Variants in CUL3 observed in about 807,000 individuals in gnomAD.
CUL3 encodes the protein cullin 3.
In CUL3, 19 loss-of-function variants were observed where a neutral mutation model predicts 89.1. That is an observed-to-expected ratio of 0.21 (90% CI 0.15 to 0.31). The LOEUF (loss-of-function observed/expected upper bound fraction) is 0.31. CUL3 is among the 10% of genes least tolerant of loss of function. The pLI is 1.00. For missense variants in CUL3, 469 were observed against 942.3 expected, an observed-to-expected ratio of 0.50 and a Z score of 6.58; for synonymous variants, 351 against 308.4, an observed-to-expected ratio of 1.14 and a Z score of -1.45.
intron 1 of CUL3, among the ~76,000 whole-genome samples, chr2:224,564,614 T>C (rs1376527343): frequency 2.0e-5 from 3 of 152,230 alleles, no homozygotes; most frequent in East Asian, 3.8e-4. Context: ...CTCAGGGCTA[T>C]ATGGTTTCAA....
chr2:224,510,773 T>C (rs1007441065), intron 6 of CUL3, among the ~76,000 whole-genome samples: 1 of 152,218 alleles, frequency 6.6e-6, no homozygotes, highest in African/African-American at 2.4e-5. Context: ...AAAAAACAAA[T>C]GTTAGTTATC....
intron 11 of CUL3, 129 bp downstream of exon 11, chr2:224,500,234 T>C (rs1692328096): frequency 3.6e-6 from 4 of 1,100,482 alleles, no homozygotes; most frequent in African/African-American, 1.6e-5. Flanking sequence ...CCAGGATAAA[T>C]GCTCCTTTTG....
chr2:224,495,279 CA>C (rs1692127587), intron 13 of CUL3: 1 of 152,240 alleles, frequency 6.6e-6, no homozygotes, highest in Non-Finnish European at 1.5e-5. Context: ...CTTTGGGATA[CA>C]GTTCGGCAGT....
intron 1 of CUL3, among the ~76,000 whole-genome samples, chr2:224,565,034 G>A (rs1011091929): frequency 1.3e-5 from 2 of 151,796 alleles, no homozygotes; most frequent in Non-Finnish European, 2.9e-5. Context: ...TTTTCATCCC[G>A]AATACAGCTG....
chr2:224,490,053 C>T (rs995131236), intron 13 of CUL3, among the ~76,000 whole-genome samples: 1 of 152,190 alleles, frequency 6.6e-6, no homozygotes, highest in African/African-American at 2.4e-5. Flanking sequence ...TATGAACAGA[C>T]ACTTCTCAAA....
At chr2:224,550,978 C>G (rs1694491055) in intron 2 of CUL3, among the ~76,000 whole-genome samples, 1 of 152,080 alleles carries the variant, frequency 6.6e-6, no homozygotes, top group Admixed American at 6.6e-5. Flanking sequence ...CCCATCTTGT[C>G]CCATTCCTCT....
chr2:224,522,978 G>A (rs1032706848), intron 3 of CUL3, among the ~76,000 whole-genome samples: 1 of 152,100 alleles, frequency 6.6e-6, no homozygotes, highest in Non-Finnish European at 1.5e-5. Flanking sequence ...TGTGTAAACT[G>A]CAATAAATCA....
intron 12 of CUL3, 127 bp downstream of exon 12, chr2:224,497,626 C>A: frequency 4.5e-6 from 3 of 670,944 alleles, no homozygotes; most frequent in Non-Finnish European, 7.5e-6. Flanking sequence ...GGATTTTTAA[C>A]CTTTCTAACA....
At chr2:224,556,154 C>G (rs1163569221) in intron 2 of CUL3, 1 of 152,036 alleles carries the variant, frequency 6.6e-6, no homozygotes, top group Admixed American at 6.6e-5. Context: ...TCTGGAACCA[C>G]CATAGTAATA....
chr2:224,534,595 T>C (rs1017777014), intron 3 of CUL3, among the ~76,000 whole-genome samples: 16 of 152,188 alleles, frequency 1.1e-4, no homozygotes, highest in African/African-American at 3.4e-4. Flanking sequence ...TATTTTCCAT[T>C]TTAAAGGACA....
At position 224,478,354 on chromosome 2, in the gene CUL3, G is replaced by T; in HGVS notation, c.2030-9C>A. On this transcript the variant is annotated splice_polypyrimidine_tract_variant and intron_variant, in intron 14 of 15. Coordinates refer to ENST00000264414, the MANE Select transcript of CUL3 (RefSeq NM_003590.5). ...ACCTTGTTTGGCAGCAACTAAAATA[G>T]AAATAAAGACATTTATCATAAATCT... 1.2e-6 allele frequency: 2 copies of T among 1,601,720 alleles called. No homozygotes were observed. Among genetic ancestry groups the T allele is most frequent in the Non-Finnish European group, 1.7e-6 (2 of 1,175,896 alleles).
Position 224,503,783 on chromosome 2 carries a change from T to C in CUL3, c.1246A>G (p.Met416Val). 3 of 1,599,486 alleles carry C rather than the reference T, an allele frequency of 1.9e-6. No homozygotes were observed. Among genetic ancestry groups the C allele is most frequent in the Non-Finnish European group, 2.6e-6 (3 of 1,175,178 alleles). Residue 416 changes from methionine to valine, a missense_variant, in exon 9 of 16, where the codon ATG (methionine) becomes GTG (valine). Met to Val is a conservative substitution (Grantham distance 21). Transcript: ENST00000264414. ...TCTTGCATAAACCTAAAAAGGACCA[T>C]TGCTTTATCCAATATTGTTTCTACT... ...QEVETILDKA[M>V]VLFRFMQEKD...
intron 3 of CUL3, among the ~76,000 whole-genome samples, chr2:224,523,531 CAATT>C (rs1392308828): frequency 1.3e-5 from 2 of 152,138 alleles, no homozygotes; most frequent in Non-Finnish European, 2.9e-5. Context: ...ATTACAAAAA[CAATT>C]AACATAGGAT....
At chr2:224,524,689 A>G (rs1188550477) in intron 3 of CUL3, among the ~76,000 whole-genome samples, 1 of 152,180 alleles carries the variant, frequency 6.6e-6, no homozygotes, top group Non-Finnish European at 1.5e-5. Flanking sequence ...GAACAAAATT[A>G]AATTTACTTT....
intron 8 of CUL3, among the ~76,000 whole-genome samples, chr2:224,505,038 A>C (rs1335415052): frequency 1.3e-5 from 2 of 152,126 alleles, no homozygotes; most frequent in Non-Finnish European, 2.9e-5. Context: ...AGAGCAAACA[A>C]CACTCTCTAC....
rs769028958 is a variant in CUL3 at position 224,471,576 on chromosome 2, C to T, written c.*2669G>A. ...TCAGCATCTTGGGGGTTTGATAGTA[C>T]ATAATTACAATGCTACACAGGTGAC... On this transcript the variant is annotated 3_prime_UTR_variant, in exon 16 of 16. Transcript: ENST00000264414. The T allele has an allele frequency of 5.0e-6, 1 of 199,676 alleles. No individual in the cohort carries two copies. The highest frequency in any genetic ancestry group is 1.0e-5 in the Non-Finnish European group (1 of 96,664). The allele number at this position is 199,676 out of a possible 1,614,324, so 12.4% of individuals were successfully genotyped here.
At chr2:224,560,368 A>G (rs906971415) in intron 1 of CUL3, 2 of 152,114 alleles carry the variant, frequency 1.3e-5, no homozygotes, top group African/African-American at 2.4e-5. Flanking sequence ...CCCTCTGTAC[A>G]TGCCAGAGTC....
Position 224,512,225 on chromosome 2 carries a change from A to C in CUL3, c.655-643T>G, listed in dbSNP as rs189295405. Among the ~76,000 whole-genome samples the C allele has an allele frequency of 1.9e-3, 285 of 151,956 alleles. 2 individuals are homozygous for C. Among genetic ancestry groups the C allele is most frequent in the African/African-American group, 6.1e-3 (251 of 41,410 alleles). ...ATTCTCCTGCCTCAGCCTCCCGAGT[A>C]GCTGGGACTACAGGCGCCCGCCACC... On this transcript the variant is annotated intron_variant, in intron 5 of 15. Coordinates refer to ENST00000264414, the MANE Select transcript of CUL3 (RefSeq NM_003590.5).
chr2:224,579,509 A>G (rs552443781), intron 1 of CUL3, among the ~76,000 whole-genome samples: 1 of 152,232 alleles, frequency 6.6e-6, no homozygotes, highest in Non-Finnish European at 1.5e-5. Context: ...GATTAACTGT[A>G]CCCATCTGTC....
Sources: allele counts gnomAD v4.1 joint callset (sites outside exome capture counted in the v4.1 genomes callset), GRCh38; gene constraint gnomAD v4.1.1; transcripts MANE v1.5; gene names NCBI Gene and HGNC (gene_info 2026-07-23, HGNC 2026-07-21).